Variants in KHDRBS2 observed in about 807,000 individuals in gnomAD.
KHDRBS2 encodes KH domain-containing, RNA-binding, signal transduction-associated protein 2.
A neutral mutation model predicts 44.3 loss-of-function variants in KHDRBS2; 26 were observed. The ratio of observed to expected loss-of-function variants is 0.59; its 90% CI spans 0.43 to 0.81. The LOEUF is 0.81. Among genes scored for constraint, KHDRBS2 ranks in the 40% least tolerant of loss-of-function variants. The pLI, the probability that KHDRBS2 is intolerant of heterozygous loss-of-function variation, is 0.00. For missense variants in KHDRBS2, 476 were observed against 433.1 expected, an observed-to-expected ratio of 1.10 and a Z score of -0.88; for synonymous variants, 194 against 151.1, an observed-to-expected ratio of 1.28 and a Z score of -2.08.
At chr6:62,125,932 C>G (rs1413027868) in intron 2 of KHDRBS2, among the ~76,000 whole-genome samples, 1 of 151,986 alleles carries the variant, frequency 6.6e-6, no homozygotes, top group Non-Finnish European at 1.5e-5. Flanking sequence ...GTGGTGGCTA[C>G]AGAGAGGGAT....
In KHDRBS2 at chr6:61,955,596, G is replaced by C. The variant is rs556387544; in HGVS notation, c.483+22470C>G. Among the ~76,000 whole-genome samples, 2 of 57,658 alleles carry C rather than the reference G, an allele frequency of 3.5e-5. 1 individual carries two copies. Among genetic ancestry groups the C allele is most frequent in the Non-Finnish European group, 7.2e-5 (2 of 27,692 alleles). 37.8% of individuals were successfully genotyped at this position (57,658 alleles called of 152,430 possible). A position where few individuals can be genotyped will look rare whatever the true frequency, so the allele number is the denominator to read the frequency against. On this transcript the variant is annotated intron_variant, in intron 4 of 8. Transcript: ENST00000281156. ...TACACGTATGTATGTATGTATACAT[G>C]TGTGTATATACACGTATGTATGTAT...
chr6:62,044,025 A>ATATTG (rs1301248684), intron 3 of KHDRBS2, among the ~76,000 whole-genome samples: 2 of 152,114 alleles, frequency 1.3e-5, no homozygotes, highest in Non-Finnish European at 2.9e-5. Context: ...ATATAGCATA[A>ATATTG]TATTGAATCT....
At chr6:62,212,901 G>C (rs1193806602) in intron 1 of KHDRBS2, among the ~76,000 whole-genome samples, 1 of 152,068 alleles carries the variant, frequency 6.6e-6, no homozygotes, top group Non-Finnish European at 1.5e-5. Flanking sequence ...AGAGAGGGAA[G>C]GGGGTGCATA....
intron 8 of KHDRBS2, among the ~76,000 whole-genome samples, chr6:61,694,115 A>C (rs1284349200): frequency 1.3e-5 from 2 of 151,920 alleles, no homozygotes; most frequent in African/African-American, 4.9e-5. Context: ...GTAAAAAATG[A>C]TTGTATTTTG....
Position 61,955,148 on chromosome 6 carries a change from G to GTCTGTATGTATGTATACATA in KHDRBS2, c.483+22917_483+22918insTATGTATACATACATACAGA, listed in dbSNP as rs1562517012. 1.8e-4 allele frequency among the ~76,000 whole-genome samples: 25 copies of GTCTGTATGTATGTATACATA among 140,766 alleles called. No homozygotes were observed. The East Asian group carries it at 2.5e-3, about 14-fold the overall frequency. 92.3% of individuals were successfully genotyped at this position (140,766 alleles called of 152,430 possible). ...TGTATACATATGTATATACACATAC[G>GTCTGTATGTATGTATACATA]TGTGTATGTATGTATACATATGTGT... On this transcript the variant is annotated intron_variant, in intron 4 of 8. Transcript: ENST00000281156.
At chr6:62,265,149 T>C (rs1838983917) in intron 1 of KHDRBS2, among the ~76,000 whole-genome samples, 1 of 152,066 alleles carries the variant, frequency 6.6e-6, no homozygotes, top group East Asian at 1.9e-4. Flanking sequence ...AACTAAAAGA[T>C]GCAATGGGGA....
At chr6:61,772,161 T>C (rs112021550) in intron 6 of KHDRBS2, among the ~76,000 whole-genome samples, 21 of 152,144 alleles carry the variant, frequency 1.4e-4, no homozygotes, top group Non-Finnish European at 2.8e-4. Context: ...ATTGAACACA[T>C]TGAAAGCATT....
chr6:62,272,710 G>A (rs1357924880), intron 1 of KHDRBS2, among the ~76,000 whole-genome samples: 1 of 152,150 alleles, frequency 6.6e-6, no homozygotes, highest in African/African-American at 2.4e-5. Flanking sequence ...GGAGAAAGCA[G>A]ACTCCTGCAA....
At chr6:61,602,222 G>A in the KHDRBS2 span, among the ~76,000 whole-genome samples, 1 of 152,088 alleles carries the variant, frequency 6.6e-6, no homozygotes, top group Non-Finnish European at 1.5e-5. Flanking sequence ...TAGAGTAGAG[G>A]CACCCAAGTA....
chr6:61,551,088 T>C, the KHDRBS2 span, among the ~76,000 whole-genome samples: 1 of 152,156 alleles, frequency 6.6e-6, no homozygotes, highest in Admixed American at 6.6e-5. Flanking sequence ...TGGTATCTCA[T>C]TGTGGTTTTG....
intron 6 of KHDRBS2, among the ~76,000 whole-genome samples, chr6:61,780,923 G>C (rs1335474591): frequency 1.3e-5 from 2 of 152,068 alleles, no homozygotes; most frequent in Admixed American, 6.6e-5. Context: ...TGCATATGAG[G>C]CATCCTATTT....
intron 2 of KHDRBS2, among the ~76,000 whole-genome samples, chr6:62,082,602 C>T (rs1344377150): frequency 2.0e-5 from 3 of 152,034 alleles, no homozygotes; most frequent in African/African-American, 7.2e-5. Flanking sequence ...ACCTGATCAA[C>T]AAGGACATTT....
At chr6:61,556,268 C>A in the KHDRBS2 span, among the ~76,000 whole-genome samples, 4 of 152,148 alleles carry the variant, frequency 2.6e-5, no homozygotes, top group Non-Finnish European at 5.9e-5. Context: ...GGTGGCCATG[C>A]GTGCATTCAC....
intron 3 of KHDRBS2, among the ~76,000 whole-genome samples, chr6:62,000,391 T>C (rs1778013396): frequency 6.6e-6 from 1 of 152,156 alleles, no homozygotes; most frequent in Admixed American, 6.5e-5. Flanking sequence ...ATTAGTTGAT[T>C]GGATTTGGAA....
At chr6:62,138,574 A>C (rs1464611228) in intron 2 of KHDRBS2, among the ~76,000 whole-genome samples, 1 of 152,200 alleles carries the variant, frequency 6.6e-6, no homozygotes, top group African/African-American at 2.4e-5. Context: ...CTCATATTGC[A>C]TTTTCACTTA....
intron 3 of KHDRBS2, among the ~76,000 whole-genome samples, chr6:61,998,991 GTT>G (rs1752685149): frequency 6.6e-6 from 1 of 151,876 alleles, no homozygotes; most frequent in South Asian, 2.1e-4. Flanking sequence ...TAAAATTTGT[GTT>G]TTCTTTGCCT....
At chr6:61,925,248 G>T (rs1808741665) in intron 4 of KHDRBS2, among the ~76,000 whole-genome samples, 1 of 152,080 alleles carries the variant, frequency 6.6e-6, no homozygotes, top group Non-Finnish European at 1.5e-5. Context: ...CTACTCAGTA[G>T]TGATTATATT....
chr6:62,044,794 T>A (rs1206787661), intron 3 of KHDRBS2, among the ~76,000 whole-genome samples: 1 of 152,090 alleles, frequency 6.6e-6, no homozygotes, highest in African/African-American at 2.4e-5. Context: ...CTGATCTAAA[T>A]TTTAAACATG....
intron 4 of KHDRBS2, among the ~76,000 whole-genome samples, chr6:61,965,211 T>C (rs1769644835): frequency 6.6e-6 from 1 of 152,048 alleles, no homozygotes; most frequent in Non-Finnish European, 1.5e-5. Flanking sequence ...CAGGGGCCAA[T>C]TTCAGGGCAC....
Sources: allele counts gnomAD v4.1 joint callset (sites outside exome capture counted in the v4.1 genomes callset), GRCh38; gene constraint gnomAD v4.1.1; transcripts MANE v1.5; gene names NCBI Gene and HGNC (gene_info 2026-07-23, HGNC 2026-07-21).